KIAA1217: variants seen among roughly 807,000 people sequenced by gnomAD.
KIAA1217 encodes KIAA1217.
In KIAA1217, 88 loss-of-function variants were observed where a neutral mutation model predicts 163.9. That is an observed-to-expected ratio of 0.54 (90% CI 0.45 to 0.64). KIAA1217 has a LOEUF of 0.64. Among genes scored for constraint, KIAA1217 ranks in the 30% least tolerant of loss-of-function variants. The pLI, the probability that KIAA1217 is intolerant of heterozygous loss-of-function variation, is 0.00. For missense variants in KIAA1217, 2,372 were observed against 2,475.0 expected (o/e 0.96, Z 0.88); for synonymous variants, 903 against 923.1 (o/e 0.98, Z 0.39).
At chr10:24,312,647 C>T (rs184036855) in intron 2 of KIAA1217, among the ~76,000 whole-genome samples, 143 of 151,754 alleles carry the variant, frequency 9.4e-4, no homozygotes, top group Non-Finnish European at 1.0e-3. Flanking sequence ...GTGGGCATGG[C>T]GGCTCATGTC....
chr10:24,094,715 T>TTCTCAGATCTCCAGCTGC, intron 2 of KIAA1217, among the ~76,000 whole-genome samples: 1 of 152,186 alleles, frequency 6.6e-6, no homozygotes, highest in African/African-American at 2.4e-5. Context: ...AGTCTGCCGG[T>TTCTCAGATCTCCAGCTGC]TCTCAGATCT....
At chr10:24,143,841 A>T (rs1265359662) in intron 2 of KIAA1217, among the ~76,000 whole-genome samples, 2 of 151,720 alleles carry the variant, frequency 1.3e-5, no homozygotes, top group East Asian at 3.9e-4. Context: ...AAAACAAAAA[A>T]CCAGTTCTGA....
At chr10:23,765,600 G>T (rs1834476711) in intron 1 of KIAA1217, among the ~76,000 whole-genome samples, 1 of 152,156 alleles carries the variant, frequency 6.6e-6, no homozygotes, top group African/African-American at 2.4e-5. Context: ...GATATGCTGG[G>T]AAGTGATCGA....
chr10:23,855,109 T>G (rs1839580907), intron 1 of KIAA1217, among the ~76,000 whole-genome samples: 1 of 152,220 alleles, frequency 6.6e-6, no homozygotes, highest in Non-Finnish European at 1.5e-5. Context: ...CTTCCTAGCC[T>G]CGATGGTCTT....
chr10:24,448,249 G>C (rs757209490), intron 5 of KIAA1217, among the ~76,000 whole-genome samples: 59 of 151,868 alleles, frequency 3.9e-4, no homozygotes, highest in South Asian at 1.0e-3. Flanking sequence ...TTTTGCGTGG[G>C]GGGGGCTGGA....
intron 1 of KIAA1217, among the ~76,000 whole-genome samples, chr10:23,739,632 G>A (rs894000026): frequency 2.6e-5 from 4 of 152,168 alleles, no homozygotes; most frequent in African/African-American, 9.7e-5. Context: ...CATGAGATGG[G>A]AATGTGTGGA....
chr10:23,922,337 A>T (rs1426758269), intron 1 of KIAA1217, among the ~76,000 whole-genome samples: 2 of 152,138 alleles, frequency 1.3e-5, no homozygotes, highest in African/African-American at 4.8e-5. Flanking sequence ...TATCCTTTAT[A>T]ATATCTTTTC....
intron 1 of KIAA1217, among the ~76,000 whole-genome samples, chr10:23,801,208 A>G (rs1004570200): frequency 4.6e-5 from 7 of 152,148 alleles, no homozygotes; most frequent in Non-Finnish European, 1.0e-4. Context: ...CATCATTCTC[A>G]GCAAACTAAC....
chr10:24,409,239 C>T (rs948430563), intron 3 of KIAA1217, among the ~76,000 whole-genome samples: 3 of 152,094 alleles, frequency 2.0e-5, no homozygotes, highest in African/African-American at 4.8e-5. Flanking sequence ...GTACTTATGT[C>T]AAATATTACT....
At chr10:24,069,725 A>G (rs1481891943) in intron 2 of KIAA1217, among the ~76,000 whole-genome samples, 2 of 152,198 alleles carry the variant, frequency 1.3e-5, no homozygotes, top group Non-Finnish European at 2.9e-5. Flanking sequence ...TAATTCATTT[A>G]TTGCTGTTGA....
At chr10:24,019,486 A>G (rs1403548352) in intron 2 of KIAA1217, among the ~76,000 whole-genome samples, 1 of 151,876 alleles carries the variant, frequency 6.6e-6, no homozygotes, top group East Asian at 1.9e-4. Context: ...CATTTGAAGA[A>G]AAAGAAAATA....
In KIAA1217 at chr10:23,910,828, A is replaced by G. The variant is rs143581818; in HGVS notation, c.-320-96397A>G. On this transcript the variant is annotated intron_variant, in intron 1 of 18. Transcript: ENST00000376462. ...AGAGGGAAATCAAACCCCAGGGTCC[A>G]CTCTTAGCAGCAAAATGCTCAAATC... is the stretch of plus-strand genomic sequence containing the variant. Among the ~76,000 whole-genome samples the G allele has an allele frequency of 4.9e-3, 745 of 152,214 alleles. 8 individuals carry two copies. The highest frequency in any genetic ancestry group is 0.016 in the African/African-American group (665 of 41,568).
At position 24,177,492 on chromosome 10, in the gene KIAA1217, T is replaced by C. The variant is rs554931781; in HGVS notation, c.-170-42134T>C. The stretch of plus-strand genomic sequence containing the variant: ...CTATAAACATGCACACGCAAGTATC[T>C]TTTTCATATAATGACTTCTTTTCCC... On this transcript the variant is annotated intron_variant, in intron 2 of 18. Coordinates refer to the KIAA1217 transcript ENST00000376462. Among the ~76,000 whole-genome samples the C allele has an allele frequency of 4.0e-3, 607 of 151,306 alleles. 2 individuals are homozygous for C. The highest frequency in any genetic ancestry group is 0.014 in the African/African-American group (587 of 41,146).
intron 1 of KIAA1217, among the ~76,000 whole-genome samples, chr10:23,944,984 G>A (rs1229991287): frequency 6.6e-6 from 1 of 151,556 alleles, no homozygotes; most frequent in East Asian, 1.9e-4. Flanking sequence ...GCTGGAACCT[G>A]GGAGGCGGAG....
At chr10:24,450,324 A>G (rs991185290) in intron 5 of KIAA1217, among the ~76,000 whole-genome samples, 14 of 152,226 alleles carry the variant, frequency 9.2e-5, no homozygotes, top group Non-Finnish European at 1.9e-4. Flanking sequence ...AAGAAATAGC[A>G]GTTTAATCTG....
chr10:24,178,509 C>T (rs1056221875), intron 2 of KIAA1217, among the ~76,000 whole-genome samples: 5 of 152,204 alleles, frequency 3.3e-5, no homozygotes, highest in African/African-American at 1.2e-4. Flanking sequence ...TAACTTCCTG[C>T]ATCTGTTCTC....
intron 14 of KIAA1217, among the ~76,000 whole-genome samples, 167 bp from the exon 15 acceptor site, chr10:24,531,663 G>T (rs1254570801): frequency 6.6e-6 from 1 of 152,054 alleles, no homozygotes; most frequent in Non-Finnish European, 1.5e-5. Context: ...GGGTCTTTTT[G>T]GGATTTAAAT....
At chr10:23,998,912 A>G (rs1449267072) in intron 1 of KIAA1217, among the ~76,000 whole-genome samples, 3 of 152,084 alleles carry the variant, frequency 2.0e-5, no homozygotes, top group Admixed American at 1.3e-4. Flanking sequence ...ATTTAGAAAT[A>G]TTTCAAGACA....
chr10:23,763,236 A>G (rs1332996451), intron 1 of KIAA1217, among the ~76,000 whole-genome samples: 1 of 152,176 alleles, frequency 6.6e-6, no homozygotes, highest in Admixed American at 6.5e-5. Flanking sequence ...TACCATTGGC[A>G]TTCTTCACAG....
Sources: gnomAD v4.1 joint callset for allele counts (sites outside exome capture counted in the v4.1 genomes callset) on GRCh38, gnomAD v4.1.1 for gene constraint, MANE v1.5 for transcripts, NCBI Gene and HGNC (gene_info 2026-07-23, HGNC 2026-07-21) for gene names.